TERB1: variants seen among roughly 807,000 people sequenced by gnomAD.
TERB1 encodes the protein telomere repeats-binding bouquet formation protein 1.
TERB1 carries 63 observed loss-of-function variants against 92.3 expected under a neutral mutation model. The ratio of observed to expected loss-of-function variants is 0.68; its 90% CI spans 0.56 to 0.84. The LOEUF is 0.84. Ranked by LOEUF, TERB1 falls within the 40% of genes least tolerant of loss-of-function variation. The probability of loss-of-function intolerance (pLI) is 0.00; values close to 1 mark genes in which losing one functional copy is unlikely to be tolerated. For missense variants in TERB1, 709 were observed against 843.7 expected (o/e 0.84, Z 1.98); for synonymous variants, 252 against 283.9 (o/e 0.89, Z 1.13).
At chr16:66,795,098 T>A (rs1408038646) in intron 3 of TERB1, among the ~76,000 whole-genome samples, 1 of 152,120 alleles carries the variant, frequency 6.6e-6, no homozygotes, top group African/African-American at 2.4e-5. Context: ...TCAGAACACA[T>A]AAAGAATTCT....
intron 17 of TERB1, 85 bp downstream of exon 17, chr16:66,759,056 C>T: frequency 2.5e-6 from 3 of 1,199,012 alleles, no homozygotes; most frequent in Non-Finnish European, 3.4e-6. Flanking sequence ...ATTTTATCCT[C>T]TAGTTTTTAA....
At chr16:66,789,209 A>G (rs2018779713) in intron 5 of TERB1, among the ~76,000 whole-genome samples, 1 of 152,028 alleles carries the variant, frequency 6.6e-6, no homozygotes, top group African/African-American at 2.4e-5. Flanking sequence ...GTGATTATGC[A>G]CTGCATGTCT....
At chr16:66,759,001 T>C (rs363180) in intron 17 of TERB1, 140 bp downstream of exon 17, 36,208 of 945,780 alleles carry the variant, frequency 0.038, 856 homozygotes, top group Middle Eastern at 0.049. Flanking sequence ...CCTGGGTACA[T>C]CTTCAATTAC....
At chr16:66,782,746 C>T (rs1216007894) in intron 9 of TERB1, among the ~76,000 whole-genome samples, 2 of 152,142 alleles carry the variant, frequency 1.3e-5, no homozygotes, top group African/African-American at 4.8e-5. Context: ...AGAGAAAAAT[C>T]TGCTAGGATT....
chr16:66,790,465 G>T, intron 5 of TERB1, 130 bp downstream of exon 5: 2 of 595,364 alleles, frequency 3.4e-6, no homozygotes, highest in Non-Finnish European at 5.5e-6. Flanking sequence ...GAGGGGGGAA[G>T]GAGGCTAGAT....
intron 6 of TERB1, among the ~76,000 whole-genome samples, chr16:66,787,190 C>A (rs2018743262): frequency 6.6e-6 from 1 of 152,148 alleles, no homozygotes; most frequent in Non-Finnish European, 1.5e-5. Context: ...CCTCAACCTC[C>A]AGAGCTCACT....
Position 66,772,667 on chromosome 16 carries a change from C to T in TERB1, c.1194G>A (p.Glu398=). The part of the protein sequence containing the change: ...TQQLKDISVK[E]NNLEEHWRKA... ...TCCTCCAGTGCTCTTCAAGATTATT[C>T]TCCTTCACACTTATGTCCTTTAATT... Residue 398 remains glutamate (E), a synonymous_variant, in exon 13 of 19, where the codon GAG becomes GAA. Coordinates refer to ENST00000433154, the MANE Select transcript of TERB1 (RefSeq NM_001136505.2). The T allele has an allele frequency of 6.5e-7, 1 of 1,550,162 alleles. No individual in the cohort carries two copies. Among genetic ancestry groups the T allele is most frequent in the Non-Finnish European group, 8.7e-7 (1 of 1,145,552 alleles).
chr16:66,797,719 A>T (rs556176769), intron 2 of TERB1, among the ~76,000 whole-genome samples: 1 of 150,424 alleles, frequency 6.6e-6, no homozygotes, highest in East Asian at 2.0e-4. Context: ...ACCCATGGTT[A>T]TTTTCAACAT....
chr16:66,755,407 A>T (rs1014598667), intron 18 of TERB1, among the ~76,000 whole-genome samples: 1 of 152,238 alleles, frequency 6.6e-6, no homozygotes, highest in Admixed American at 6.5e-5. Flanking sequence ...TAGTAATACA[A>T]CATCTTTCAG....
At position 66,770,100 on chromosome 16, in the gene TERB1, C is replaced by T. The variant is rs144236917; in HGVS notation, c.1482G>A (p.Pro494=). 292 of 1,552,058 alleles carry T rather than the reference C, an allele frequency of 1.9e-4. 2 individuals carry two copies. The East Asian group carries it at 2.7e-3, about 14-fold the overall frequency. ...CATGGACTGGATTTGCGCTCTTTAA[C>T]GGTGTCTTCATTTGGTCATCATTTG... ...ACTNDDQMKT[P]LKSANPVHAC... The change falls in exon 14 of 19, where the codon CCG becomes CCA. Residue 494 remains proline, a synonymous_variant. Transcript: ENST00000433154.
At chr16:66,776,942 G>A (rs995649837) in intron 11 of TERB1, among the ~76,000 whole-genome samples, 1 of 152,020 alleles carries the variant, frequency 6.6e-6, no homozygotes, top group African/African-American at 2.4e-5. Context: ...GGGTTTAAGG[G>A]CCTACTTTGG....
At chr16:66,781,711 G>A (rs1475625636) in intron 9 of TERB1, among the ~76,000 whole-genome samples, 1 of 151,808 alleles carries the variant, frequency 6.6e-6, no homozygotes. Flanking sequence ...TAGGAGAGAC[G>A]GGGTTTCACC....
chr16:66,768,149 G>T lies in TERB1; in HGVS notation c.1639C>A (p.Pro547Thr). The T allele has an allele frequency of 1.3e-6, 2 of 1,550,020 alleles. No individual in the cohort carries two copies. Among genetic ancestry groups the T allele is most frequent in the Non-Finnish European group, 1.7e-6 (2 of 1,145,728 alleles). ...SQSSDHVFKH[P>T]VHIAKNIKQQ... ...TTTATATTTTTGGCAATGTGAACTG[G>T]GTGTTTAAAAACATGGTCACTAAAA... The change falls in exon 15 of 19, where the codon CCA becomes ACA. Residue 547 changes from proline (P) to threonine (T), a missense_variant. Pro to Thr is a conservative substitution (Grantham distance 38). Transcript: ENST00000433154.
chr16:66,760,967 C>T (rs1249465057), intron 16 of TERB1, among the ~76,000 whole-genome samples: 1 of 144,392 alleles, frequency 6.9e-6, no homozygotes, highest in East Asian at 2.0e-4. Flanking sequence ...CAAAAATTAG[C>T]CAGGCATGGT....
Position 66,755,028 on chromosome 16 carries a change from A to G in TERB1, c.2132T>C (p.Leu711Pro). 6.4e-7 allele frequency: 1 copy of G among 1,551,590 alleles called. No individual in the cohort carries two copies. The highest frequency in any genetic ancestry group is 1.2e-5 in the South Asian group (1 of 84,010). Residue 711 changes from leucine (L) to proline (P), a missense_variant, in exon 19 of 19, where the codon CTT becomes CCT. Coordinates refer to ENST00000433154, the MANE Select transcript of TERB1 (RefSeq NM_001136505.2). ...PFQQGRKAVD[L>P]AHKYHKLTKH... Reference sequence around the variant, plus strand: ...GGTCAGCTTGTGGTATTTGTGAGCAAGGTCCACAGCCTTCCGTCCTTGCTG... The same window carrying G: ...GGTCAGCTTGTGGTATTTGTGAGCAGGGTCCACAGCCTTCCGTCCTTGCTG...
intron 17 of TERB1, 35 bp downstream of exon 17, chr16:66,759,106 C>T: frequency 1.4e-6 from 2 of 1,472,982 alleles, no homozygotes; most frequent in South Asian, 1.3e-5. Context: ...AAGGTATAGC[C>T]ATAATTACAA....
intron 9 of TERB1, among the ~76,000 whole-genome samples, chr16:66,781,070 A>C (rs1425343129): frequency 6.6e-6 from 1 of 152,048 alleles, no homozygotes; most frequent in Non-Finnish European, 1.5e-5. Flanking sequence ...TCCTGAGACA[A>C]AGTCTTGTTC....
At chr16:66,794,909 CAA>C (rs58303083) in intron 3 of TERB1, among the ~76,000 whole-genome samples, 2 of 132,412 alleles carry the variant, frequency 1.5e-5, no homozygotes, top group Non-Finnish European at 3.4e-5. Context: ...GACTCCGTCT[CAA>C]AAAAAAAAAA....
intron 5 of TERB1, among the ~76,000 whole-genome samples, chr16:66,789,196 G>C (rs1211826530): frequency 6.6e-6 from 1 of 151,876 alleles, no homozygotes; most frequent in East Asian, 1.9e-4. Context: ...CATTCTCCAT[G>C]CCGTGATTAT....
Sources: gnomAD v4.1 joint callset for allele counts (sites outside exome capture counted in the v4.1 genomes callset) on GRCh38, gnomAD v4.1.1 for gene constraint, MANE v1.5 for transcripts, NCBI Gene and HGNC (gene_info 2026-07-23, HGNC 2026-07-21) for gene names.